CDH12: variants seen among roughly 807,000 people sequenced by gnomAD.
CDH12 encodes cadherin 12, also known as cadherin-12.
In CDH12, 41 loss-of-function variants were observed where a neutral mutation model predicts 74.1. That is an observed-to-expected ratio of 0.55 (90% CI 0.43 to 0.72). The LOEUF (loss-of-function observed/expected upper bound fraction) is 0.72, where lower values mean the gene tolerates loss of function less well. Among genes scored for constraint, CDH12 ranks in the 30% least tolerant of loss-of-function variants. The pLI is 0.00. For synonymous variants in CDH12, 399 were observed against 355.0 expected (o/e 1.12, Z -1.39); for missense variants, 945 against 977.2 (o/e 0.97, Z 0.44).
chr5:21,902,584 A>G (rs1259386041), intron 6 of CDH12, among the ~76,000 whole-genome samples: 1 of 152,092 alleles, frequency 6.6e-6, no homozygotes, highest in Non-Finnish European at 1.5e-5. Context: ...AAAAGAAAAT[A>G]TGTTTCTCAC....
intron 1 of CDH12, among the ~76,000 whole-genome samples, chr5:22,561,833 C>T (rs980182903): frequency 6.6e-6 from 1 of 152,096 alleles, no homozygotes; most frequent in Non-Finnish European, 1.5e-5. Context: ...TAAAACTGGA[C>T]TTGATTCACC....
intron 1 of CDH12, among the ~76,000 whole-genome samples, chr5:22,795,596 C>A (rs898833361): frequency 6.7e-6 from 1 of 149,564 alleles, no homozygotes. Context: ...ATATATTATA[C>A]ACACACACAC....
At chr5:22,212,894 G>C (rs1751625081) in intron 3 of CDH12, 1 of 152,130 alleles carries the variant, frequency 6.6e-6, no homozygotes, top group Non-Finnish European at 1.5e-5. Flanking sequence ...AAGGCCACTT[G>C]GGAATCTTGT....
chr5:22,111,657 T>C (rs144507891), intron 4 of CDH12, among the ~76,000 whole-genome samples: 1 of 152,270 alleles, frequency 6.6e-6, no homozygotes, highest in African/African-American at 2.4e-5. Flanking sequence ...CTTTGCATGG[T>C]AATTGTGCTA....
chr5:22,155,056 A>T (rs944216575), intron 4 of CDH12, among the ~76,000 whole-genome samples: 4 of 152,154 alleles, frequency 2.6e-5, no homozygotes, highest in African/African-American at 7.2e-5. Context: ...CTATCAGATT[A>T]TGCCACAGGC....
chr5:22,010,706 A>G (rs1737246359), intron 5 of CDH12, among the ~76,000 whole-genome samples: 3 of 152,146 alleles, frequency 2.0e-5, no homozygotes, highest in South Asian at 2.1e-4. Flanking sequence ...TTTGTGCCCA[A>G]TGACAAAATT....
chr5:22,067,582 G>C (rs1256819852), intron 5 of CDH12, among the ~76,000 whole-genome samples: 1 of 152,120 alleles, frequency 6.6e-6, no homozygotes, highest in Non-Finnish European at 1.5e-5. Flanking sequence ...TAGGCTATAC[G>C]ATCCAGCAGG....
At chr5:22,510,976 C>A (rs980605310) in intron 1 of CDH12, among the ~76,000 whole-genome samples, 1 of 151,814 alleles carries the variant, frequency 6.6e-6, no homozygotes, top group Non-Finnish European at 1.5e-5. Flanking sequence ...CTCACTGCAA[C>A]CTCCACCTCC....
chr5:22,216,563 A>G (rs2150366353), intron 3 of CDH12, among the ~76,000 whole-genome samples: 1 of 151,856 alleles, frequency 6.6e-6, no homozygotes, highest in East Asian at 1.9e-4. Context: ...CTAACTAATA[A>G]CAAATTGATC....
intron 1 of CDH12, among the ~76,000 whole-genome samples, chr5:22,590,551 T>C (rs918155473): frequency 7.9e-5 from 12 of 152,198 alleles, no homozygotes; most frequent in Non-Finnish European, 1.3e-4. Context: ...TACTCTTTAG[T>C]AATTTTTAAG....
intron 2 of CDH12, among the ~76,000 whole-genome samples, chr5:22,463,237 G>T (rs1745589764): frequency 6.7e-6 from 1 of 149,326 alleles, no homozygotes; most frequent in Non-Finnish European, 1.5e-5. Context: ...TTGTGTGTGT[G>T]TAAAATGCCA....
intron 3 of CDH12, among the ~76,000 whole-genome samples, chr5:22,307,318 A>C (rs1738156739): frequency 6.6e-6 from 1 of 152,208 alleles, no homozygotes; most frequent in South Asian, 2.1e-4. Context: ...TTATGATACT[A>C]AATGATTTGC....
At chr5:22,839,017 T>G (rs1299071408) in intron 1 of CDH12, among the ~76,000 whole-genome samples, 1 of 152,136 alleles carries the variant, frequency 6.6e-6, no homozygotes, top group Non-Finnish European at 1.5e-5. Flanking sequence ...ATTTGTCACT[T>G]AAGATAAAAG....
chr5:22,705,233 T>C (rs142302898), intron 1 of CDH12, among the ~76,000 whole-genome samples: 207 of 151,186 alleles, frequency 1.4e-3, no homozygotes, highest in African/African-American at 4.8e-3. Context: ...CCTCAAAATA[T>C]AGAAGGAGGA....
chr5:21,926,891 A>T (rs1459259324), intron 6 of CDH12, among the ~76,000 whole-genome samples: 1 of 152,154 alleles, frequency 6.6e-6, no homozygotes, highest in Non-Finnish European at 1.5e-5. Flanking sequence ...GTAGGATATT[A>T]GTTGAGAGAA....
chr5:21,961,051 T>C (rs1756338123), intron 6 of CDH12, among the ~76,000 whole-genome samples: 1 of 151,924 alleles, frequency 6.6e-6, no homozygotes, highest in South Asian at 2.1e-4. Context: ...GAAATTAGAC[T>C]ACATTAGTTG....
rs575880652 is a variant in CDH12 at position 21,866,005 on chromosome 5, T to G, written c.527-11215A>C. On this transcript the variant is annotated intron_variant, in intron 6 of 14. Coordinates refer to ENST00000382254, the MANE Select transcript of CDH12 (RefSeq NM_004061.5). ...ACCATACTGTTCTCATGGTAGTAAATAAGTTTCATGAGATCTGATGGTTTT... is the reference window on the plus strand; with the variant it reads ...ACCATACTGTTCTCATGGTAGTAAAGAAGTTTCATGAGATCTGATGGTTTT... 1.3e-5 allele frequency among the ~76,000 whole-genome samples: 2 copies of G among 152,284 alleles called. 1 individual carries two copies. The highest frequency in any genetic ancestry group is 4.1e-4 in the South Asian group (2 of 4,828).
At chr5:21,963,349 G>T (rs934308060) in intron 6 of CDH12, among the ~76,000 whole-genome samples, 5 of 151,956 alleles carry the variant, frequency 3.3e-5, no homozygotes, top group African/African-American at 9.7e-5. Context: ...CATAGCAAAA[G>T]AAATTATCAA....
intron 4 of CDH12, among the ~76,000 whole-genome samples, chr5:22,098,759 C>T (rs959106185): frequency 4.6e-5 from 7 of 152,144 alleles, no homozygotes; most frequent in African/African-American, 1.7e-4. Flanking sequence ...ATCCACCTGA[C>T]ATTCATCCAA....
Sources: gnomAD v4.1 joint callset for allele counts (sites outside exome capture counted in the v4.1 genomes callset) on GRCh38, gnomAD v4.1.1 for gene constraint, MANE v1.5 for transcripts, NCBI Gene and HGNC (gene_info 2026-07-23, HGNC 2026-07-21) for gene names.